The following PISD variants were observed in gnomAD, a reference collection of about 807,000 sequenced individuals.
PISD encodes the protein phosphatidylserine decarboxylase.
Under a neutral mutation model 43.5 loss-of-function variants are expected in PISD, and 31 were observed. That is an observed-to-expected ratio of 0.71 (90% CI 0.54 to 0.96). The LOEUF (loss-of-function observed/expected upper bound fraction) is 0.96. Ranked by LOEUF, PISD falls within the 40% of genes least tolerant of loss-of-function variation. The pLI, the probability that PISD is intolerant of heterozygous loss-of-function variation, is 0.00. For synonymous variants in PISD, 259 were observed against 228.7 expected, an observed-to-expected ratio of 1.13 and a Z score of -1.20; for missense variants, 523 against 548.4, an observed-to-expected ratio of 0.95 and a Z score of 0.46.
intron 1 of PISD, among the ~76,000 whole-genome samples, chr22:31,659,736 C>T (rs572448066): frequency 6.6e-6 from 1 of 152,134 alleles, no homozygotes; most frequent in South Asian, 2.1e-4. Flanking sequence ...GGACTACAGA[C>T]ACACGCCACC....
intron 3 of PISD, among the ~76,000 whole-genome samples, chr22:31,637,308 A>G (rs1383922806): frequency 6.7e-6 from 1 of 148,232 alleles, no homozygotes; most frequent in East Asian, 2.0e-4. Context: ...GGCTGCAGTA[A>G]GCTGTGATCA....
At chr22:31,641,048 C>T (rs993277602) in intron 3 of PISD, among the ~76,000 whole-genome samples, 2 of 150,638 alleles carry the variant, frequency 1.3e-5, no homozygotes, top group African/African-American at 2.4e-5. Context: ...CCACCACTCC[C>T]GGCTAATTTT....
At chr22:31,637,773 GA>G (rs2073556137) in intron 3 of PISD, among the ~76,000 whole-genome samples, 2 of 152,220 alleles carry the variant, frequency 1.3e-5, no homozygotes. Context: ...CTCTTCTGAA[GA>G]AGCAAGTGTC....
At chr22:31,649,626 G>A (rs1208329116) in intron 2 of PISD, among the ~76,000 whole-genome samples, 3 of 152,080 alleles carry the variant, frequency 2.0e-5, no homozygotes, top group African/African-American at 7.2e-5. Context: ...CCAGCTACTC[G>A]GGAGGCTGAG....
chr22:31,628,090 C>T (rs535949216), intron 3 of PISD: 36 of 985,472 alleles, frequency 3.7e-5, no homozygotes, highest in East Asian at 3.4e-4. Flanking sequence ...AAACAAGCGC[C>T]GAGACCAGGG....
intron 3 of PISD, among the ~76,000 whole-genome samples, chr22:31,624,752 C>G (rs2072794060): frequency 7.0e-6 from 1 of 143,008 alleles, no homozygotes; most frequent in Admixed American, 6.8e-5. Flanking sequence ...CACACACACA[C>G]ACACGAGACC....
At chr22:31,649,177 G>A (rs984197827) in intron 2 of PISD, among the ~76,000 whole-genome samples, 2 of 151,560 alleles carry the variant, frequency 1.3e-5, no homozygotes, top group Non-Finnish European at 1.5e-5. Context: ...CTATGATCAC[G>A]CCACTGCACT....
intron 3 of PISD, among the ~76,000 whole-genome samples, chr22:31,632,915 A>G (rs73160700): frequency 0.044 from 6,704 of 152,222 alleles, 128 homozygotes; most frequent in Non-Finnish European, 0.049. Context: ...AGCCTATGGT[A>G]AAACTGGTTT....
chr22:31,648,824 TC>T (rs2073956181), intron 2 of PISD, among the ~76,000 whole-genome samples: 1 of 152,036 alleles, frequency 6.6e-6, no homozygotes, highest in Non-Finnish European at 1.5e-5. Context: ...ACAATGCACC[TC>T]AACTGCCACC....
intron 3 of PISD, among the ~76,000 whole-genome samples, chr22:31,645,854 CTAAA>C (rs2073871393): frequency 8.6e-6 from 1 of 115,782 alleles, no homozygotes; most frequent in Non-Finnish European, 1.7e-5. Flanking sequence ...GAGACTCCAT[CTAAA>C]AAAAAAAAAA....
intron 3 of PISD, among the ~76,000 whole-genome samples, chr22:31,637,533 CA>C (rs920854906): frequency 7.2e-5 from 11 of 152,064 alleles, no homozygotes; most frequent in African/African-American, 2.7e-4. Flanking sequence ...CAGCTCGCGG[CA>C]GCCACAGGGC....
intron 3 of PISD, among the ~76,000 whole-genome samples, chr22:31,643,217 C>T (rs1331559976): frequency 1.3e-5 from 2 of 152,102 alleles, no homozygotes; most frequent in Non-Finnish European, 1.5e-5. Context: ...ATCATCATGT[C>T]CCCTGTTTTC....
At chr22:31,661,175 A>G (rs1392918113) in intron 1 of PISD, among the ~76,000 whole-genome samples, 2 of 152,230 alleles carry the variant, frequency 1.3e-5, no homozygotes, top group Non-Finnish European at 2.9e-5. Flanking sequence ...TCATTTCTGT[A>G]CAGTTAATGA....
At chr22:31,634,346 G>A (rs1215119928) in intron 3 of PISD, among the ~76,000 whole-genome samples, 2 of 152,188 alleles carry the variant, frequency 1.3e-5, no homozygotes, top group Non-Finnish European at 2.9e-5. Context: ...AGCACAAAGT[G>A]CCTTCAGGCT....
chr22:31,624,077 G>A (rs1397416028), intron 3 of PISD, among the ~76,000 whole-genome samples: 1 of 152,218 alleles, frequency 6.6e-6, no homozygotes, highest in African/African-American at 2.4e-5. Context: ...TCATTTCCCA[G>A]GCTCTCCCAC....
At chr22:31,635,654 A>G (rs1373612694) in intron 3 of PISD, among the ~76,000 whole-genome samples, 1 of 152,150 alleles carries the variant, frequency 6.6e-6, no homozygotes, top group Non-Finnish European at 1.5e-5. Flanking sequence ...TGACCGCTCA[A>G]AGCCATTGGA....
At chr22:31,639,938 A>T (rs893091144) in intron 3 of PISD, among the ~76,000 whole-genome samples, 4 of 152,146 alleles carry the variant, frequency 2.6e-5, no homozygotes, top group African/African-American at 9.6e-5. Flanking sequence ...AAACTCAGAG[A>T]AGCGGCTCTT....
chr22:31,656,649 A>AAAATAAATAAATAAATAAAT (rs59608474), intron 1 of PISD, among the ~76,000 whole-genome samples: 54 of 149,248 alleles, frequency 3.6e-4, no homozygotes, highest in African/African-American at 9.2e-4. Context: ...CTGCGTCTCA[A>AAAATAAATAAATAAATAAAT]AAATAAATAA....
At chr22:31,635,862 C>T (rs2073415350) in intron 3 of PISD, among the ~76,000 whole-genome samples, 1 of 152,234 alleles carries the variant, frequency 6.6e-6, no homozygotes, top group South Asian at 2.1e-4. Context: ...GGCTCTGCTT[C>T]CCTGCCAACT....
Sources: allele counts gnomAD v4.1 joint callset (sites outside exome capture counted in the v4.1 genomes callset), GRCh38; gene constraint gnomAD v4.1.1; transcripts MANE v1.5; gene names NCBI Gene and HGNC (gene_info 2026-07-23, HGNC 2026-07-21).